Variants in NWD2 observed in about 807,000 individuals in gnomAD.
NWD2 encodes NACHT and WD repeat domain containing 2.
In NWD2, 37 loss-of-function variants were observed where a neutral mutation model predicts 132.7. The ratio of observed to expected loss-of-function variants is 0.28; its 90% confidence interval spans 0.21 to 0.37. The LOEUF (loss-of-function observed/expected upper bound fraction) is 0.37, where lower values mean the gene tolerates loss of function less well. Ranked by LOEUF, NWD2 falls within the 10% of genes least tolerant of loss-of-function variation. NWD2 has a pLI of 1.00. For synonymous variants in NWD2, 705 were observed against 803.0 expected (o/e 0.88, Z 2.06); for missense variants, 1,592 against 2,122.4 (o/e 0.75, Z 4.91).
chr4:37,421,991 T>G (rs1711822386), intron 3 of NWD2, among the ~76,000 whole-genome samples: 1 of 152,202 alleles, frequency 6.6e-6, no homozygotes, highest in Non-Finnish European at 1.5e-5. Context: ...GGTGTCTCTC[T>G]TCCAATAAGG....
chr4:37,272,312 G>T (rs1423111406), intron 1 of NWD2, among the ~76,000 whole-genome samples: 1 of 151,694 alleles, frequency 6.6e-6, no homozygotes, highest in Non-Finnish European at 1.5e-5. Flanking sequence ...CATACAATGA[G>T]TTGAGAAGTG....
At chr4:37,282,233 T>C (rs929648428) in intron 1 of NWD2, among the ~76,000 whole-genome samples, 10 of 152,114 alleles carry the variant, frequency 6.6e-5, no homozygotes, top group African/African-American at 2.4e-4. Flanking sequence ...ACCTTAAGAA[T>C]AGGGTGTGCA....
Position 37,434,748 on chromosome 4 carries a change from G to A in NWD2, c.706+728G>A, listed in dbSNP as rs118013318. ...CAGGAACGTGCTTAGCTAATTCCAGGAGCAGGAAAAATAAAAGATAGCTTT... is the reference window on the plus strand; with the variant it reads ...CAGGAACGTGCTTAGCTAATTCCAGAAGCAGGAAAAATAAAAGATAGCTTT... On this transcript the variant is annotated intron_variant, in intron 5 of 6. Coordinates refer to ENST00000309447, the MANE Select transcript of NWD2 (RefSeq NM_001144990.2). Among the ~76,000 whole-genome samples, 82 of 151,118 alleles carry A rather than the reference G, an allele frequency of 5.4e-4. 1 individual carries two copies. The East Asian group carries it at 0.011, about 21-fold the overall frequency.
intron 1 of NWD2, among the ~76,000 whole-genome samples, chr4:37,269,685 ATTTGT>A (rs1448537430): frequency 6.6e-6 from 1 of 151,822 alleles, no homozygotes; most frequent in East Asian, 1.9e-4. Context: ...CTTATCCATA[ATTTGT>A]TTTGTTTTTA....
chr4:37,326,947 A>G (rs183398817), intron 2 of NWD2, among the ~76,000 whole-genome samples: 1 of 152,170 alleles, frequency 6.6e-6, no homozygotes, highest in African/African-American at 2.4e-5. Flanking sequence ...AATGGCTTCA[A>G]TCTCAATGCA....
intron 1 of NWD2, among the ~76,000 whole-genome samples, chr4:37,318,620 C>A (rs891999676): frequency 6.6e-6 from 1 of 152,030 alleles, no homozygotes; most frequent in Non-Finnish European, 1.5e-5. Context: ...TCCTCAATTT[C>A]TGTTGTTGCC....
chr4:37,289,452 T>G (rs970640023), intron 1 of NWD2, among the ~76,000 whole-genome samples: 2 of 152,218 alleles, frequency 1.3e-5, no homozygotes, highest in East Asian at 3.8e-4. Flanking sequence ...TAAACACTTA[T>G]ATACTTACCC....
intron 1 of NWD2, among the ~76,000 whole-genome samples, chr4:37,292,613 G>T (rs1718388232): frequency 6.6e-6 from 1 of 152,112 alleles, no homozygotes. Context: ...ATTCAAACAG[G>T]TATCAAGATA....
chr4:37,434,209 C>A (rs1365211008), intron 5 of NWD2, among the ~76,000 whole-genome samples, 189 bp downstream of exon 5: 1 of 152,166 alleles, frequency 6.6e-6, no homozygotes, highest in Non-Finnish European at 1.5e-5. Context: ...TCCCTTAACT[C>A]TAAGGCTTCT....
Position 37,398,674 on chromosome 4 carries a change from A to G in NWD2, c.358-31898A>G, listed in dbSNP as rs115277026. Among the ~76,000 whole-genome samples the G allele has an allele frequency of 4.0e-3, 611 of 152,346 alleles. 4 individuals are homozygous for G. The highest frequency in any genetic ancestry group is 0.014 in the African/African-American group (587 of 41,570). On this transcript the variant is annotated intron_variant, in intron 3 of 6. Transcript: ENST00000309447. ...CTGCTTTAGGGTCAGCCTTATCTTT[A>G]TAAACAGACTCTTATGTGCTTTGCA...
chr4:37,396,749 G>A (rs1202496568), intron 3 of NWD2, among the ~76,000 whole-genome samples: 6 of 152,060 alleles, frequency 3.9e-5, no homozygotes, highest in Admixed American at 6.6e-5. Flanking sequence ...AAAGCAAAGC[G>A]AGGCTGGGCA....
intron 2 of NWD2, among the ~76,000 whole-genome samples, chr4:37,339,418 A>G (rs1719474299): frequency 6.6e-6 from 1 of 152,142 alleles, no homozygotes; most frequent in South Asian, 2.1e-4. Flanking sequence ...TCTTCTACCT[A>G]TTGCTTCTCC....
rs1186527870 is a variant in NWD2 at position 37,439,177 on chromosome 4, T to C, written c.1083T>C (p.Asn361=). The C allele has an allele frequency of 1.3e-6, 2 of 1,550,162 alleles. No homozygotes were observed. Among genetic ancestry groups the C allele is most frequent in the South Asian group, 2.4e-5 (2 of 83,758 alleles). ...IDIIQATIQQ[N]FDTETDTLYD... ...TAATTCAGGCAACGATACAACAGAA[T>C]TTTGACACTGAAACTGATACACTCT... The change falls in exon 6 of 7, where the codon AAT becomes AAC. Residue 361 remains asparagine (N), a synonymous_variant. Transcript: ENST00000309447. This position sits in a 1 kb window ranked among gnomAD's most constrained non-coding sequence, Gnocchi z 4.5.
chr4:37,440,701 C>T (rs1017896981), intron 6 of NWD2, among the ~76,000 whole-genome samples: 1 of 152,114 alleles, frequency 6.6e-6, no homozygotes, highest in African/African-American at 2.4e-5. Context: ...TTAACAGTAG[C>T]AAAACTGGTT....
chr4:37,430,915 A>G, intron 4 of NWD2, 140 bp downstream of exon 4: 1 of 679,906 alleles, frequency 1.5e-6, no homozygotes, highest in Admixed American at 2.9e-5. Flanking sequence ...TTTCCTTTTA[A>G]CAACTAAATC....
At chr4:37,307,418 G>T (rs1275374204) in intron 1 of NWD2, among the ~76,000 whole-genome samples, 1 of 151,670 alleles carries the variant, frequency 6.6e-6, no homozygotes, top group Admixed American at 6.6e-5. Context: ...GGCTGCCAGG[G>T]TTTTTTTTCT....
At chr4:37,287,015 G>A (rs1435796751) in intron 1 of NWD2, among the ~76,000 whole-genome samples, 1 of 152,156 alleles carries the variant, frequency 6.6e-6, no homozygotes, top group Non-Finnish European at 1.5e-5. Flanking sequence ...CGTGATCCAT[G>A]GAGAGGAAGG....
intron 2 of NWD2, among the ~76,000 whole-genome samples, chr4:37,335,641 G>C (rs189388377): frequency 6.6e-6 from 1 of 151,826 alleles, no homozygotes; most frequent in Non-Finnish European, 1.5e-5. Context: ...TCAGATCAGC[G>C]GTGGCATTAG....
intron 1 of NWD2, among the ~76,000 whole-genome samples, chr4:37,263,141 C>G (rs896329367): frequency 6.6e-6 from 1 of 152,122 alleles, no homozygotes; most frequent in Non-Finnish European, 1.5e-5. Flanking sequence ...GCTGCATGGT[C>G]CAGCTTTCAC....
Sources: gnomAD v4.1 joint callset for allele counts (sites outside exome capture counted in the v4.1 genomes callset) on GRCh38, gnomAD v4.1.1 for gene constraint, Gnocchi (gnomAD v3.1) non-coding constraint, MANE v1.5 for transcripts, NCBI Gene and HGNC (gene_info 2026-07-23, HGNC 2026-07-21) for gene names.